KLF12: variants seen among roughly 807,000 people sequenced by gnomAD.
KLF12 encodes KLF transcription factor 12, also known as Krueppel-like factor 12.
In KLF12, 9 loss-of-function variants were observed where a neutral mutation model predicts 37.8. The observed-to-expected ratio is 0.24, with a 90% CI of 0.14 to 0.42. The LOEUF (loss-of-function observed/expected upper bound fraction) is 0.42, where lower values mean the gene tolerates loss of function less well. Ranked by LOEUF, KLF12 falls within the 10% of genes least tolerant of loss-of-function variation. KLF12 has a pLI of 1.00. For synonymous variants in KLF12, 208 were observed against 202.1 expected (o/e 1.03, Z -0.25); for missense variants, 411 against 516.0 (o/e 0.80, Z 1.97).
At chr13:73,725,028 G>A (rs143686302) in intron 6 of KLF12, among the ~76,000 whole-genome samples, 255 of 152,222 alleles carry the variant, frequency 1.7e-3, no homozygotes, top group Non-Finnish European at 3.0e-3. Context: ...GCCTAGGATT[G>A]GTTGTGGCTT....
At chr13:73,928,891 T>C (rs1889533218) in intron 3 of KLF12, among the ~76,000 whole-genome samples, 1 of 152,144 alleles carries the variant, frequency 6.6e-6, no homozygotes, top group Non-Finnish European at 1.5e-5. Context: ...ATAATATAAG[T>C]GCCCAAGCAC....
At chr13:73,938,940 G>A (rs1593758365) in intron 3 of KLF12, among the ~76,000 whole-genome samples, 1 of 152,156 alleles carries the variant, frequency 6.6e-6, no homozygotes, top group South Asian at 2.1e-4. Flanking sequence ...CATCAGGCTC[G>A]CTTCCCCAAG....
At chr13:73,718,833 G>GC (rs1238189234) in intron 6 of KLF12, among the ~76,000 whole-genome samples, 4 of 152,198 alleles carry the variant, frequency 2.6e-5, no homozygotes, top group Non-Finnish European at 4.4e-5. Flanking sequence ...GGTGGAGGTT[G>GC]CAGTGAGCCA....
intron 1 of KLF12, among the ~76,000 whole-genome samples, chr13:74,082,516 C>CT (rs1018252000): frequency 6.6e-6 from 1 of 151,830 alleles, no homozygotes. Context: ...CTCCCCAACC[C>CT]TTTTTTTTCC....
chr13:73,838,292 A>C (rs1884550065), intron 4 of KLF12, among the ~76,000 whole-genome samples: 1 of 152,214 alleles, frequency 6.6e-6, no homozygotes, highest in African/African-American at 2.4e-5. Context: ...CTGTAGGAAG[A>C]AAATGGGGTG....
In KLF12 at chr13:73,695,625, G is replaced by A. The variant is rs750330965; in HGVS notation, c.1074C>T (p.Phe358=). 44 of 1,613,938 alleles carry A rather than the reference G, an allele frequency of 2.7e-5. No homozygotes were observed. Among genetic ancestry groups the A allele is most frequent in the Middle Eastern group, 1.6e-4 (1 of 6,076 alleles). Reference sequence around the variant, plus strand: ...GCCTCGTCAGTTCATCTGAACGAGCGAACTTCCAGGTGCAGCCTTCCCAGG... The same window carrying A: ...GCCTCGTCAGTTCATCTGAACGAGCAAACTTCCAGGTGCAGCCTTCCCAGG... Residue 358 remains phenylalanine (F), a synonymous_variant, in exon 8 of 8, where the codon TTC becomes TTT. Coordinates refer to ENST00000377669, the MANE Select transcript of KLF12 (RefSeq NM_007249.5).
At chr13:73,989,958 G>A (rs1891923822) in intron 2 of KLF12, among the ~76,000 whole-genome samples, 1 of 125,856 alleles carries the variant, frequency 7.9e-6, no homozygotes, top group Non-Finnish European at 1.8e-5. Context: ...ACAAGTGTAA[G>A]TTCAGGAAGT....
intron 3 of KLF12, among the ~76,000 whole-genome samples, chr13:73,922,857 T>A (rs1889184516): frequency 6.6e-6 from 1 of 152,184 alleles, no homozygotes; most frequent in African/African-American, 2.4e-5. Context: ...GGCTCCTGAT[T>A]GGCCAGGTTA....
intron 1 of KLF12, among the ~76,000 whole-genome samples, chr13:74,106,657 A>C (rs1876666764): frequency 6.6e-6 from 1 of 152,184 alleles, no homozygotes; most frequent in East Asian, 1.9e-4. Context: ...ATATTCAACA[A>C]AACGTAACTG....
the KLF12 span, among the ~76,000 whole-genome samples, chr13:74,241,253 C>CT: frequency 1.0e-5 from 1 of 97,146 alleles, no homozygotes; most frequent in African/African-American, 1.1e-4. Context: ...AGTTAGGCTG[C>CT]CCGGGGGTCA....
At chr13:74,034,526 T>G (rs1893197468) in intron 1 of KLF12, among the ~76,000 whole-genome samples, 1 of 152,246 alleles carries the variant, frequency 6.6e-6, no homozygotes, top group African/African-American at 2.4e-5. Context: ...GTTCGCCATT[T>G]AAACTGACAA....
At chr13:74,258,743 A>G in the KLF12 span, 1 of 152,160 alleles carries the variant, frequency 6.6e-6, no homozygotes, top group Non-Finnish European at 1.5e-5. Context: ...CTTTATCGCT[A>G]TCTCCAAAGA....
the KLF12 span, among the ~76,000 whole-genome samples, chr13:74,180,034 G>A: frequency 3.3e-5 from 5 of 152,094 alleles, no homozygotes; most frequent in Admixed American, 1.3e-4. Flanking sequence ...TGATAAAGAC[G>A]TCTTCACTTA....
At chr13:74,036,402 A>G (rs1359418368) in intron 1 of KLF12, among the ~76,000 whole-genome samples, 1 of 152,146 alleles carries the variant, frequency 6.6e-6, no homozygotes, top group African/African-American at 2.4e-5. Context: ...AAAACAAGCT[A>G]TTTTTAAAGG....
intron 6 of KLF12, among the ~76,000 whole-genome samples, chr13:73,721,855 C>T (rs775034516): frequency 6.6e-6 from 1 of 151,880 alleles, no homozygotes; most frequent in Non-Finnish European, 1.5e-5. Flanking sequence ...CTACCCAGTA[C>T]ATATTTTCTT....
chr13:73,705,463 G>A (rs1874866128), intron 7 of KLF12, among the ~76,000 whole-genome samples: 2 of 152,098 alleles, frequency 1.3e-5, no homozygotes, highest in African/African-American at 4.8e-5. Flanking sequence ...TAGTAGAGAT[G>A]GGTTTTGCCA....
intron 3 of KLF12, among the ~76,000 whole-genome samples, chr13:73,850,198 G>A: frequency 6.6e-6 from 1 of 152,078 alleles, no homozygotes; most frequent in East Asian, 1.9e-4. Flanking sequence ...TTCTCCAAAA[G>A]TCTCAAAGCC....
At chr13:73,722,901 G>A (rs1013919971) in intron 6 of KLF12, among the ~76,000 whole-genome samples, 2 of 152,094 alleles carry the variant, frequency 1.3e-5, no homozygotes, top group Admixed American at 6.5e-5. Flanking sequence ...CCTTTTGGGC[G>A]CCCAAGGGGT....
At chr13:73,960,527 A>C (rs954675368) in intron 2 of KLF12, 1 of 188,576 alleles carries the variant, frequency 5.3e-6, no homozygotes, top group African/African-American at 2.3e-5. Flanking sequence ...CAAAGTTCCT[A>C]TACAGGTTAG....
Sources: allele counts gnomAD v4.1 joint callset (sites outside exome capture counted in the v4.1 genomes callset), GRCh38; gene constraint gnomAD v4.1.1; transcripts MANE v1.5; gene names NCBI Gene and HGNC (gene_info 2026-07-23, HGNC 2026-07-21).